ELAPOR1: variants seen among roughly 807,000 people sequenced by gnomAD.
ELAPOR1 encodes endosome/lysosome-associated apoptosis and autophagy regulator 1.
In ELAPOR1, 77 loss-of-function variants were observed where a neutral mutation model predicts 119.7. That is an observed-to-expected ratio of 0.64 (90% CI 0.54 to 0.78). The LOEUF (loss-of-function observed/expected upper bound fraction) is 0.78. ELAPOR1 is among the 30% of genes least tolerant of loss of function. The pLI is 0.00. For missense variants in ELAPOR1, 1,115 were observed against 1,270.4 expected, an observed-to-expected ratio of 0.88 and a Z score of 1.86; for synonymous variants, 481 against 487.2, an observed-to-expected ratio of 0.99 and a Z score of 0.17.
At chr1:109,122,739 T>C (rs1481175558) in intron 1 of ELAPOR1, among the ~76,000 whole-genome samples, 2 of 151,954 alleles carry the variant, frequency 1.3e-5, no homozygotes, top group African/African-American at 4.8e-5. Context: ...GGCAGATCAC[T>C]TGAGCTCAGG....
At chr1:109,197,691 G>GTGTA in intron 16 of ELAPOR1, 37 bp downstream of exon 16, 1 of 1,349,642 alleles carries the variant, frequency 7.4e-7, no homozygotes, top group East Asian at 2.6e-5. Context: ...GTTTGAGAGT[G>GTGTA]TGTGTGTGTG....
In ELAPOR1 at chr1:109,114,329, G is replaced by A. The variant is rs759309060; in HGVS notation, c.146G>A (p.Cys49Tyr). ...TQGTGPELHA[C>Y]KESEYHYEYT... Reference sequence around the variant, plus strand: ...GGAACGGGACCGGAGCTTCATGCCTGCAAAGAGGTACTGCCGCCCCCCTAC... The same window carrying A: ...GGAACGGGACCGGAGCTTCATGCCTACAAAGAGGTACTGCCGCCCCCCTAC... The change falls in exon 1 of 22, where the codon TGC becomes TAC. Residue 49 changes from cysteine to tyrosine, a missense_variant. Coordinates refer to ENST00000369939, the MANE Select transcript of ELAPOR1 (RefSeq NM_020775.5). 6.3e-7 allele frequency: 1 copy of A among 1,589,726 alleles called. No homozygotes were observed. The highest frequency in any genetic ancestry group is 1.1e-5 in the South Asian group (1 of 87,570).
At chr1:109,139,285 G>A (rs1394933330) in intron 1 of ELAPOR1, among the ~76,000 whole-genome samples, 1 of 152,048 alleles carries the variant, frequency 6.6e-6, no homozygotes, top group Non-Finnish European at 1.5e-5. Context: ...TGGCTACCAT[G>A]AGCCATGATC....
At chr1:109,173,097 CAAAAAA>C (rs58149393) in intron 5 of ELAPOR1, among the ~76,000 whole-genome samples, 10 of 91,916 alleles carry the variant, frequency 1.1e-4, no homozygotes, top group African/African-American at 2.3e-4. Context: ...AACTCTGTCT[CAAAAAA>C]AAAAAAAAAA....
chr1:109,195,977 G>A (rs1653770222), intron 15 of ELAPOR1, among the ~76,000 whole-genome samples: 1 of 152,160 alleles, frequency 6.6e-6, no homozygotes, highest in South Asian at 2.1e-4. Flanking sequence ...TCAACATGGT[G>A]AAACCCTGTT....
At chr1:109,124,731 T>C (rs1274411218) in intron 1 of ELAPOR1, among the ~76,000 whole-genome samples, 1 of 152,200 alleles carries the variant, frequency 6.6e-6, no homozygotes, top group Non-Finnish European at 1.5e-5. Context: ...CTATCAATCC[T>C]TTAAAACTTT....
chr1:109,155,786 C>T (rs1650838496), intron 1 of ELAPOR1, among the ~76,000 whole-genome samples: 1 of 152,172 alleles, frequency 6.6e-6, no homozygotes, highest in South Asian at 2.1e-4. Context: ...GTGCACTCTG[C>T]CTGCTGCCTT....
At chr1:109,192,588 C>T (rs1653506766) in intron 13 of ELAPOR1, 23 bp from the exon 14 acceptor site, 1 of 1,612,496 alleles carries the variant, frequency 6.2e-7, no homozygotes, top group Non-Finnish European at 8.5e-7. Flanking sequence ...CTCCCCTCTC[C>T]CCTCTTGTTT....
chr1:109,135,276 C>G lies in ELAPOR1; in HGVS notation c.153+20940C>G, dbSNP rs555085510. The stretch of plus-strand genomic sequence containing the variant: ...TTTTTTCTTTTGAGATGGAGTCTCG[C>G]TCTGTCCCCGAGGCTAGAGTGAAGT... On this transcript the variant is annotated intron_variant, in intron 1 of 21. Transcript: ENST00000369939. Among the ~76,000 whole-genome samples the G allele has an allele frequency of 2.0e-5, 3 of 152,160 alleles. No individual in the cohort carries two copies. The East Asian group carries it at 5.8e-4, about 29-fold the overall frequency.
chr1:109,124,623 G>A (rs1297479622), intron 1 of ELAPOR1, among the ~76,000 whole-genome samples: 1 of 152,062 alleles, frequency 6.6e-6, no homozygotes, highest in African/African-American at 2.4e-5. Context: ...ATTTCATATT[G>A]TTCCCTATTT....
In ELAPOR1 at chr1:109,199,735, G is replaced by A. The variant is rs543214371; in HGVS notation, c.2502-119G>A. 13 of 1,183,040 alleles carry A rather than the reference G, an allele frequency of 1.1e-5. No individual in the cohort carries two copies. In the South Asian group the frequency reaches 1.7e-4, roughly 16 times the overall value. The allele number at this position is 1,183,040 out of a possible 1,614,324, so 73.3% of individuals were successfully genotyped here. On this transcript the variant is annotated intron_variant, in intron 18 of 21. Coordinates refer to ENST00000369939, the MANE Select transcript of ELAPOR1 (RefSeq NM_020775.5). The stretch of plus-strand genomic sequence containing the variant: ...GACTAGTTGGAAGGATCCTGGTAGG[G>A]CTAATGGTTTGGGCAGGGAGAGGGT...
chr1:109,173,097 CAAAAA>C (rs58149393), intron 5 of ELAPOR1, among the ~76,000 whole-genome samples: 2,183 of 91,910 alleles, frequency 0.024, 55 homozygotes, highest in African/African-American at 0.076. Context: ...AACTCTGTCT[CAAAAA>C]AAAAAAAAAA....
chr1:109,151,536 A>G (rs974055587), intron 1 of ELAPOR1, among the ~76,000 whole-genome samples: 1 of 152,200 alleles, frequency 6.6e-6, no homozygotes, highest in Non-Finnish European at 1.5e-5. Context: ...AGTTCACAAA[A>G]CACCCGCAAG....
intron 1 of ELAPOR1, among the ~76,000 whole-genome samples, chr1:109,132,054 T>C (rs1649180585): frequency 6.6e-6 from 1 of 152,204 alleles, no homozygotes; most frequent in Non-Finnish European, 1.5e-5. Context: ...TATGCTTAGA[T>C]ACTTGTTTTG....
chr1:109,177,232 G>T (rs1340920019), intron 7 of ELAPOR1, among the ~76,000 whole-genome samples: 2 of 148,540 alleles, frequency 1.3e-5, no homozygotes, highest in Non-Finnish European at 3.0e-5. Context: ...GCCGGGCGGG[G>T]GGCTGACCCC....
At chr1:109,178,774 G>A (rs1175331303) in intron 7 of ELAPOR1, among the ~76,000 whole-genome samples, 1 of 152,058 alleles carries the variant, frequency 6.6e-6, no homozygotes, top group Non-Finnish European at 1.5e-5. Flanking sequence ...AGACCAGCCT[G>A]GCCAATATGG....
intron 1 of ELAPOR1, among the ~76,000 whole-genome samples, chr1:109,147,680 G>A (rs1377087181): frequency 6.6e-6 from 1 of 151,936 alleles, no homozygotes; most frequent in Non-Finnish European, 1.5e-5. Flanking sequence ...GGGGGATGTT[G>A]GTGATGGGGA....
chr1:109,174,554 A>ACAT (rs1167573288), intron 7 of ELAPOR1, among the ~76,000 whole-genome samples: 3 of 149,092 alleles, frequency 2.0e-5, no homozygotes, highest in Non-Finnish European at 4.5e-5. Flanking sequence ...TATGGGGTTT[A>ACAT]CATTCGGGGG....
At chr1:109,139,977 G>T (rs751769722) in intron 1 of ELAPOR1, among the ~76,000 whole-genome samples, 2 of 152,080 alleles carry the variant, frequency 1.3e-5, no homozygotes, top group African/African-American at 4.8e-5. Flanking sequence ...TGCCCAGGCT[G>T]GTCTCGAACT....
Sources: gnomAD v4.1 joint callset for allele counts (sites outside exome capture counted in the v4.1 genomes callset) on GRCh38, gnomAD v4.1.1 for gene constraint, MANE v1.5 for transcripts, NCBI Gene and HGNC (gene_info 2026-07-23, HGNC 2026-07-21) for gene names.